Variants in RHBDD1 observed in about 807,000 individuals in gnomAD.
RHBDD1 encodes rhomboid-related protein 4.
A neutral mutation model predicts 36.3 loss-of-function variants in RHBDD1; 38 were observed. The ratio of observed to expected loss-of-function variants is 1.05; its 90% confidence interval spans 0.81 to 1.37. The LOEUF (loss-of-function observed/expected upper bound fraction) is 1.37. RHBDD1 is among the 40% of genes most tolerant of loss of function. RHBDD1 has a pLI of 0.00. For missense variants in RHBDD1, 393 were observed against 377.6 expected (o/e 1.04, Z -0.34); for synonymous variants, 151 against 136.5 (o/e 1.11, Z -0.74).
chr2:226,956,125 G>A (rs1951772575), intron 8 of RHBDD1, among the ~76,000 whole-genome samples: 1 of 152,100 alleles, frequency 6.6e-6, no homozygotes, highest in Non-Finnish European at 1.5e-5. Flanking sequence ...CAAATTGTGT[G>A]CTATCAAAGT....
chr2:226,808,215 G>A, the RHBDD1 span, among the ~76,000 whole-genome samples: 2 of 152,156 alleles, frequency 1.3e-5, no homozygotes, highest in Admixed American at 6.5e-5. Context: ...CAGGTGGTAT[G>A]GATGTGACAT....
chr2:226,952,172 T>C (rs1023222681), intron 8 of RHBDD1, among the ~76,000 whole-genome samples: 2 of 152,096 alleles, frequency 1.3e-5, no homozygotes, highest in Non-Finnish European at 2.9e-5. Flanking sequence ...CCTCATCTCC[T>C]CTTAGGAGAA....
chr2:226,885,041 G>GA (rs972523299), intron 5 of RHBDD1, among the ~76,000 whole-genome samples: 1 of 152,064 alleles, frequency 6.6e-6, no homozygotes, highest in Non-Finnish European at 1.5e-5. Flanking sequence ...ACAATTTATA[G>GA]AAAAAAATCT....
At chr2:226,887,663 T>A (rs1334726384) in intron 5 of RHBDD1, among the ~76,000 whole-genome samples, 1 of 152,248 alleles carries the variant, frequency 6.6e-6, no homozygotes, top group Non-Finnish European at 1.5e-5. Context: ...TTTTTATAGA[T>A]GTTGAAAATG....
the RHBDD1 span, among the ~76,000 whole-genome samples, chr2:226,802,951 A>G: frequency 6.6e-6 from 1 of 152,244 alleles, no homozygotes; most frequent in Non-Finnish European, 1.5e-5. Context: ...ATAGATTATT[A>G]CATATATCTG....
chr2:226,894,292 CAG>C (rs1946916200), intron 5 of RHBDD1, among the ~76,000 whole-genome samples: 1 of 152,120 alleles, frequency 6.6e-6, no homozygotes, highest in African/African-American at 2.4e-5. Context: ...TTTTTTGAGA[CAG>C]AGTCTCACTG....
chr2:226,857,636 G>A (rs1943462509), intron 3 of RHBDD1, among the ~76,000 whole-genome samples: 1 of 152,152 alleles, frequency 6.6e-6, no homozygotes, highest in Non-Finnish European at 1.5e-5. Flanking sequence ...CAACATGGAT[G>A]AACTATGAAA....
At chr2:226,868,899 C>T (rs1421491097) in intron 5 of RHBDD1, among the ~76,000 whole-genome samples, 1 of 152,180 alleles carries the variant, frequency 6.6e-6, no homozygotes, top group Non-Finnish European at 1.5e-5. Context: ...TAATGTCTGT[C>T]CCTTATCTGA....
intron 6 of RHBDD1, chr2:226,908,351 G>C (rs554986841): frequency 1.3e-5 from 2 of 153,152 alleles, no homozygotes; most frequent in Admixed American, 1.3e-4. Flanking sequence ...TCATTCAGCC[G>C]TGCCAAATTG....
chr2:226,818,214 C>CA, the RHBDD1 span, among the ~76,000 whole-genome samples: 1 of 134,658 alleles, frequency 7.4e-6, no homozygotes, highest in African/African-American at 2.8e-5. Flanking sequence ...GGCTGGAGTG[C>CA]AGTGGCGCGG....
At chr2:226,871,456 C>G (rs1211037025) in intron 5 of RHBDD1, among the ~76,000 whole-genome samples, 1 of 152,160 alleles carries the variant, frequency 6.6e-6, no homozygotes, top group African/African-American at 2.4e-5. Context: ...TTCAGATTCT[C>G]CTAGTGTTCA....
intron 8 of RHBDD1, among the ~76,000 whole-genome samples, chr2:226,914,997 A>T (rs1437363803): frequency 2.0e-5 from 3 of 152,150 alleles, no homozygotes; most frequent in Non-Finnish European, 4.4e-5. Context: ...GGCATTTGTT[A>T]AAGTTTTATG....
At chr2:226,887,605 C>T (rs1366220409) in intron 5 of RHBDD1, among the ~76,000 whole-genome samples, 1 of 152,230 alleles carries the variant, frequency 6.6e-6, no homozygotes, top group Non-Finnish European at 1.5e-5. Flanking sequence ...TACTTTAGGA[C>T]TTGCTAATGA....
chr2:226,995,528 C>T lies in RHBDD1; in HGVS notation c.*6C>T. On this transcript the variant is annotated 3_prime_UTR_variant, in exon 9 of 9. Coordinates refer to ENST00000392062, the MANE Select transcript of RHBDD1 (RefSeq NM_001167608.3). The stretch of plus-strand genomic sequence containing the variant: ...ACAGATTCGATAGCCAGTGAGGTGG[C>T]ATCTTGGGAAGACATGGCCTATTCG... The T allele has an allele frequency of 6.3e-7, 1 of 1,593,684 alleles. No homozygotes were observed. The highest frequency in any genetic ancestry group is 1.3e-5 in the African/African-American group (1 of 74,612).
chr2:226,926,366 T>G (rs754096486), intron 8 of RHBDD1, among the ~76,000 whole-genome samples: 6 of 152,204 alleles, frequency 3.9e-5, no homozygotes, highest in Non-Finnish European at 8.8e-5. Context: ...AGAGTATGTT[T>G]TATAGTCAGG....
At chr2:226,814,150 A>G in the RHBDD1 span, among the ~76,000 whole-genome samples, 1 of 152,190 alleles carries the variant, frequency 6.6e-6, no homozygotes, top group Non-Finnish European at 1.5e-5. Context: ...TGAAGGAAAG[A>G]TGGCATTCCA....
intron 8 of RHBDD1, among the ~76,000 whole-genome samples, chr2:226,961,133 A>T (rs1453018569): frequency 6.6e-6 from 1 of 152,194 alleles, no homozygotes; most frequent in Admixed American, 6.5e-5. Flanking sequence ...TTGCTTTCAC[A>T]ACCTCAACAT....
At chr2:226,835,695 C>T (rs1940884292), upstream of RHBDD1, 1 of 152,342 alleles carries the variant, frequency 6.6e-6, no homozygotes, top group Non-Finnish European at 1.5e-5. Context: ...GCTGCTTCTC[C>T]CCTAGTCTTC....
At chr2:226,911,748 T>C (rs1948534220) in intron 7 of RHBDD1, among the ~76,000 whole-genome samples, 1 of 151,988 alleles carries the variant, frequency 6.6e-6, no homozygotes, top group Admixed American at 6.6e-5. Context: ...CCAAGTTCAG[T>C]TTTAAGCCAT....
Sources: gnomAD v4.1 joint callset for allele counts (sites outside exome capture counted in the v4.1 genomes callset) on GRCh38, gnomAD v4.1.1 for gene constraint, MANE v1.5 for transcripts, NCBI Gene and HGNC (gene_info 2026-07-23, HGNC 2026-07-21) for gene names.